Variants in LGSN observed in about 807,000 individuals in gnomAD.
The protein encoded by LGSN is lengsin, lens protein with glutamine synthetase domain.
In LGSN, 21 loss-of-function variants were observed where a neutral mutation model predicts 19.5. The ratio of observed to expected loss-of-function variants is 1.07; its 90% CI spans 0.76 to 1.55. The LOEUF is 1.55. Among genes scored for constraint, LGSN ranks in the 40% most tolerant of loss-of-function variants. The probability of loss-of-function intolerance (pLI) is 0.00; values close to 1 mark genes in which losing one functional copy is unlikely to be tolerated. For missense variants in LGSN, 673 were observed against 608.5 expected (o/e 1.11, Z -1.12); for synonymous variants, 257 against 215.6 (o/e 1.19, Z -1.68).
the LGSN span, among the ~76,000 whole-genome samples, chr6:63,364,838 T>G: frequency 1.3e-5 from 2 of 150,334 alleles, no homozygotes; most frequent in African/African-American, 5.0e-5. Flanking sequence ...GAATGACTAC[T>G]GGGTACATAA....
Position 63,280,760 on chromosome 6 carries a change from C to T in LGSN, c.791G>A (p.Gly264Asp). The T allele has an allele frequency of 1.2e-6, 2 of 1,614,104 alleles. No individual in the cohort carries two copies. Among genetic ancestry groups the T allele is most frequent in the Non-Finnish European group, 1.7e-6 (2 of 1,180,032 alleles). The change falls in exon 4 of 4, where the codon GGT becomes GAT. Residue 264 changes from glycine (G) to aspartate (D), a missense_variant. Coordinates refer to ENST00000370657, the MANE Select transcript of LGSN (RefSeq NM_016571.3). ...AGGCAGGAAAGAGATTTCCATCTGA[C>T]CAGGCCTGGTAGAGGAGGAAAAACT... ...VESFSSSTRPGQMEISFLPEF... is the reference protein window; with the variant it reads ...VESFSSSTRPDQMEISFLPEF...
intron 2 of LGSN, among the ~76,000 whole-genome samples, chr6:63,289,434 T>C (rs1226259451): frequency 6.6e-6 from 1 of 152,186 alleles, no homozygotes; most frequent in African/African-American, 2.4e-5. Flanking sequence ...TTGGTCAGCC[T>C]TTCCCAGTTG....
At chr6:63,522,772 A>C in the LGSN span, among the ~76,000 whole-genome samples, 1 of 152,154 alleles carries the variant, frequency 6.6e-6, no homozygotes, top group Non-Finnish European at 1.5e-5. Flanking sequence ...CTACCATGGA[A>C]GATTCAGTGC....
chr6:63,441,830 G>T, the LGSN span: 1 of 305,244 alleles, frequency 3.3e-6, no homozygotes, highest in East Asian at 9.7e-5. Flanking sequence ...GCTGCTTTGT[G>T]CAGCGGGGGC....
At chr6:63,282,038 A>T (rs939918495) in intron 3 of LGSN, among the ~76,000 whole-genome samples, 9 of 152,208 alleles carry the variant, frequency 5.9e-5, no homozygotes, top group African/African-American at 2.2e-4. Context: ...TCAGTAAAAC[A>T]AGTGTTAGAC....
the LGSN span, among the ~76,000 whole-genome samples, chr6:63,525,819 A>C: frequency 2.6e-5 from 4 of 152,330 alleles, no homozygotes; most frequent in Admixed American, 6.5e-5. Context: ...TGTGTAAATT[A>C]TCTCTTAAAA....
chr6:63,363,467 A>T, the LGSN span, among the ~76,000 whole-genome samples: 4 of 152,166 alleles, frequency 2.6e-5, no homozygotes, highest in South Asian at 2.1e-4. Context: ...GATTAGATGA[A>T]TGGCCAACTA....
chr6:63,511,987 T>C, the LGSN span, among the ~76,000 whole-genome samples: 1 of 152,218 alleles, frequency 6.6e-6, no homozygotes, highest in Non-Finnish European at 1.5e-5. Flanking sequence ...GTAAGGATAC[T>C]TATTTTACTA....
chr6:63,486,236 ACATG>A, the LGSN span, among the ~76,000 whole-genome samples: 2 of 152,180 alleles, frequency 1.3e-5, no homozygotes, highest in African/African-American at 4.8e-5. Context: ...AATATCTCTC[ACATG>A]ACTATGGACT....
chr6:63,520,351 G>A, the LGSN span, among the ~76,000 whole-genome samples: 5 of 152,196 alleles, frequency 3.3e-5, no homozygotes, highest in South Asian at 2.1e-4. Context: ...AATAGACTGG[G>A]TGTGGTGGCT....
the LGSN span, among the ~76,000 whole-genome samples, chr6:63,508,607 G>A: frequency 0.025 from 3,839 of 152,164 alleles, 67 homozygotes; most frequent in Non-Finnish European, 0.04. Context: ...AGTAGGGAGG[G>A]AGATGGTTAT....
chr6:63,356,066 C>T, the LGSN span, among the ~76,000 whole-genome samples: 1 of 152,070 alleles, frequency 6.6e-6, no homozygotes. Flanking sequence ...TCCAAATTTC[C>T]CCTTTTTATA....
the LGSN span, among the ~76,000 whole-genome samples, chr6:63,552,402 T>G: frequency 6.6e-6 from 1 of 152,184 alleles, no homozygotes; most frequent in African/African-American, 2.4e-5. Flanking sequence ...TCTTGTAAAT[T>G]TGTTTGAGTT....
chr6:63,439,146 T>C, the LGSN span, among the ~76,000 whole-genome samples: 15 of 152,090 alleles, frequency 9.9e-5, no homozygotes, highest in East Asian at 1.5e-3. Context: ...TAGGTGGGAA[T>C]TGAACAATGA....
chr6:63,392,429 C>CT, the LGSN span: 3 of 152,532 alleles, frequency 2.0e-5, no homozygotes, highest in Admixed American at 6.5e-5. Context: ...GGGGGCATCA[C>CT]TGCTATCATG....
chr6:63,468,542 C>T, the LGSN span, among the ~76,000 whole-genome samples: 22 of 152,114 alleles, frequency 1.4e-4, no homozygotes, highest in African/African-American at 5.3e-4. Flanking sequence ...ATTCTGTTGC[C>T]TCAGCCTCCC....
chr6:63,398,226 A>AAAC, the LGSN span, among the ~76,000 whole-genome samples: 1 of 143,882 alleles, frequency 7.0e-6, no homozygotes, highest in East Asian at 2.0e-4. Flanking sequence ...AAAAAAAAAA[A>AAAC]AGTTAACTAT....
chr6:63,317,810 A>T (rs1768922847), intron 1 of LGSN, among the ~76,000 whole-genome samples: 1 of 152,146 alleles, frequency 6.6e-6, no homozygotes, highest in South Asian at 2.1e-4. Context: ...GATGGCATTC[A>T]TTCCTTCTGT....
Position 63,279,963 on chromosome 6 carries a change from T to G in LGSN, c.*58A>C. ...TTACAAAAGTTCAGTCTTTTTGTTT[T>G]GGTAGATTAGCTTTAAGTAACAATT... is the stretch of plus-strand genomic sequence containing the variant. On this transcript the variant is annotated 3_prime_UTR_variant, in exon 4 of 4. Coordinates refer to ENST00000370657, the MANE Select transcript of LGSN (RefSeq NM_016571.3). 1 of 1,451,574 alleles carries G rather than the reference T, an allele frequency of 6.9e-7. No individual in the cohort carries two copies. Among genetic ancestry groups the G allele is most frequent in the East Asian group, 2.3e-5 (1 of 43,526 alleles). The allele number at this position is 1,451,574 out of a possible 1,614,324, so 89.9% of individuals were successfully genotyped here. A position where few individuals can be genotyped will look rare whatever the true frequency, so the allele number is the denominator to read the frequency against.
Sources: allele counts gnomAD v4.1 joint callset (sites outside exome capture counted in the v4.1 genomes callset), GRCh38; gene constraint gnomAD v4.1.1; transcripts MANE v1.5; gene names NCBI Gene and HGNC (gene_info 2026-07-23, HGNC 2026-07-21).